Variants in ZC3HAV1 observed in about 807,000 individuals in gnomAD.
The protein encoded by ZC3HAV1 is zinc finger CCCH-type antiviral protein 1.
ZC3HAV1 carries 41 observed loss-of-function variants against 86.6 expected under a neutral mutation model. The ratio of observed to expected loss-of-function variants is 0.47; its 90% CI spans 0.37 to 0.61. The LOEUF (loss-of-function observed/expected upper bound fraction) is 0.61. Among genes scored for constraint, ZC3HAV1 ranks in the 20% least tolerant of loss-of-function variants. ZC3HAV1 has a pLI of 0.00. For synonymous variants in ZC3HAV1, 421 were observed against 432.1 expected, an observed-to-expected ratio of 0.97 and a Z score of 0.32; for missense variants, 964 against 1,141.1, an observed-to-expected ratio of 0.84 and a Z score of 2.24.
At chr7:139,102,911 C>A (rs1286479094) in intron 1 of ZC3HAV1, among the ~76,000 whole-genome samples, 1 of 147,748 alleles carries the variant, frequency 6.8e-6, no homozygotes, top group Non-Finnish European at 1.5e-5. Flanking sequence ...AGAACAAGAT[C>A]CTGTCTCAAA....
chr7:139,074,713 G>T (rs1304622106), intron 6 of ZC3HAV1, among the ~76,000 whole-genome samples: 1 of 151,682 alleles, frequency 6.6e-6, no homozygotes, highest in Non-Finnish European at 1.5e-5. Flanking sequence ...ACCTGGGTAT[G>T]TATATTAAAT....
At position 139,053,520 on chromosome 7, in the gene ZC3HAV1, C is replaced by G. The variant is rs750206388; in HGVS notation, c.2380G>C (p.Val794Leu). The change falls in exon 12 of 13, where the codon GTG becomes CTG. Residue 794 changes from valine to leucine, a missense_variant. Val to Leu is a conservative substitution (Grantham distance 32). Transcript: ENST00000242351. Reference protein sequence around the residue: ...LLFYATSRAYVESICSNNFDS... With the variant: ...LLFYATSRAYLESICSNNFDS... Reference sequence around the variant, plus strand: ...AAATTATTCGAACAGATAGATTCCACATAGGCACGGCTTGTCGCATAAAAT... The same window carrying G: ...AAATTATTCGAACAGATAGATTCCAGATAGGCACGGCTTGTCGCATAAAAT... The G allele has an allele frequency of 6.2e-7, 1 of 1,606,114 alleles. No homozygotes were observed. Among genetic ancestry groups the G allele is most frequent in the Non-Finnish European group, 8.5e-7 (1 of 1,177,552 alleles).
At chr7:139,055,734 C>T (rs7812093) in intron 9 of ZC3HAV1, among the ~76,000 whole-genome samples, 94,566 of 151,858 alleles carry the variant, frequency 0.62, 29,606 homozygotes, top group East Asian at 0.7. Context: ...AAGTAATTTT[C>T]TTTTTCTATC....
intron 7 of ZC3HAV1, among the ~76,000 whole-genome samples, chr7:139,066,102 C>T (rs914921328): frequency 2.6e-5 from 4 of 152,102 alleles, no homozygotes; most frequent in Non-Finnish European, 4.4e-5. Flanking sequence ...GCGATCAGGG[C>T]ACACTAGAAG....
At chr7:139,073,425 T>C (rs576112381) in intron 7 of ZC3HAV1, among the ~76,000 whole-genome samples, 2 of 152,252 alleles carry the variant, frequency 1.3e-5, no homozygotes, top group South Asian at 4.1e-4. Context: ...TACCACTTCC[T>C]CTACCACACT....
At position 139,055,270 on chromosome 7, in the gene ZC3HAV1, C is replaced by T; in HGVS notation, c.2122G>A (p.Val708Met). The change falls in exon 10 of 13, where the codon GTG becomes ATG. Residue 708 changes from valine (V) to methionine (M), a missense_variant. Physicochemically the swap from Val to Met is conservative, Grantham distance 21 (BLOSUM62 1). Coordinates refer to ENST00000242351, the MANE Select transcript of ZC3HAV1 (RefSeq NM_020119.4). ...GGACGAAAGGTCGCAGTTAAAGACA[C>T]TGACGAGGTCTTTGCTGGCTGATGG... is the stretch of plus-strand genomic sequence containing the variant. ...PDHQPAKTSS[V>M]SLTATFRPQE... 1.9e-6 allele frequency: 3 copies of T among 1,613,290 alleles called. No individual in the cohort carries two copies. The highest frequency in any genetic ancestry group is 1.7e-6 in the Non-Finnish European group (2 of 1,179,472).
In ZC3HAV1 at chr7:139,073,840, G is replaced by A. The variant is rs1380281505; in HGVS notation, c.1872+16C>T. 1.3e-6 allele frequency: 2 copies of A among 1,594,134 alleles called. No homozygotes were observed. Among genetic ancestry groups the A allele is most frequent in the Non-Finnish European group, 1.7e-6 (2 of 1,168,548 alleles). The stretch of plus-strand genomic sequence containing the variant: ...AGTTTAAACAAGAGCCCCCTACAAG[G>A]AGGAACAGTGCTCACCTCTTCTCCA... On this transcript the variant is annotated intron_variant, in intron 7 of 12. Coordinates refer to ENST00000242351, the MANE Select transcript of ZC3HAV1 (RefSeq NM_020119.4).
At chr7:139,095,335 A>T (rs1269545667) in intron 1 of ZC3HAV1, among the ~76,000 whole-genome samples, 1 of 152,140 alleles carries the variant, frequency 6.6e-6, no homozygotes, top group Non-Finnish European at 1.5e-5. Context: ...CTGCCTCTAG[A>T]GCCCCTAGTG....
At chr7:139,058,440 A>ACCCC (rs56132797) in intron 9 of ZC3HAV1, among the ~76,000 whole-genome samples, 1 of 119,208 alleles carries the variant, frequency 8.4e-6, no homozygotes, top group Non-Finnish European at 1.8e-5. Context: ...CTAACCCCCA[A>ACCCC]CCCCCCCCCC....
intron 1 of ZC3HAV1, among the ~76,000 whole-genome samples, chr7:139,092,061 C>T (rs10248093): frequency 0.31 from 46,489 of 151,982 alleles, 7,870 homozygotes; most frequent in African/African-American, 0.44. Context: ...TGAAGTAAAG[C>T]AGGCAAAAAA....
chr7:139,047,075 C>T lies in ZC3HAV1; in HGVS notation c.*519G>A. 6.2e-6 allele frequency: 1 copy of T among 160,858 alleles called. No homozygotes were observed. The highest frequency in any genetic ancestry group is 1.7e-4 in the South Asian group (1 of 5,832). 10.0% of individuals were successfully genotyped at this position (160,858 alleles called of 1,614,324 possible). Reference sequence around the variant, plus strand: ...GGCATGGTGGCTCATACCTGTAATCCTAGCACTTTGGGAGGCCAAGGCGGG... The same window carrying T: ...GGCATGGTGGCTCATACCTGTAATCTTAGCACTTTGGGAGGCCAAGGCGGG... On this transcript the variant is annotated 3_prime_UTR_variant, in exon 13 of 13. Coordinates refer to ENST00000242351, the MANE Select transcript of ZC3HAV1 (RefSeq NM_020119.4).
At chr7:139,083,550 G>A (rs1015927111) in intron 3 of ZC3HAV1, among the ~76,000 whole-genome samples, 4 of 151,886 alleles carry the variant, frequency 2.6e-5, no homozygotes, top group Non-Finnish European at 4.4e-5. Context: ...CCAACATGGC[G>A]AAACCCCGTC....
chr7:139,052,606 CA>C (rs35386659), intron 12 of ZC3HAV1, among the ~76,000 whole-genome samples: 1,310 of 64,944 alleles, frequency 0.02, 20 homozygotes, highest in South Asian at 0.14. Flanking sequence ...ACTCTGTCTC[CA>C]AAAAAAAAAA....
chr7:139,069,220 G>A (rs1045981079), intron 7 of ZC3HAV1, among the ~76,000 whole-genome samples: 32 of 152,166 alleles, frequency 2.1e-4, no homozygotes, highest in Admixed American at 2.1e-3. Flanking sequence ...TAGCCATAAT[G>A]TGTCCTAGAG....
At chr7:139,070,907 G>C (rs1816754973) in intron 7 of ZC3HAV1, among the ~76,000 whole-genome samples, 1 of 151,768 alleles carries the variant, frequency 6.6e-6, no homozygotes, top group Non-Finnish European at 1.5e-5. Flanking sequence ...GCTTGAACCT[G>C]GGAGGCAGAG....
In ZC3HAV1 at chr7:139,109,202, C is replaced by A; in HGVS notation, c.130G>T (p.Ala44Ser). The change falls in exon 1 of 13, where the codon GCC (alanine) becomes TCC (serine). Residue 44 changes from alanine to serine, a missense_variant. By Grantham distance (99) the Ala-to-Ser change is moderately conservative. Coordinates refer to ENST00000242351, the MANE Select transcript of ZC3HAV1 (RefSeq NM_020119.4). The stretch of plus-strand genomic sequence containing the variant: ...AACACCACAAAGCGGTCGGGCCCGG[C>A]CACCTGCAGCACCTCACAGAGCTGC... ...EPQLCEVLQV[A>S]GPDRFVVLET... 1 of 1,607,922 alleles carries A rather than the reference C, an allele frequency of 6.2e-7. No individual in the cohort carries two copies.
chr7:139,100,145 G>A (rs1817707990), intron 1 of ZC3HAV1, among the ~76,000 whole-genome samples: 1 of 151,872 alleles, frequency 6.6e-6, no homozygotes, highest in African/African-American at 2.4e-5. Flanking sequence ...ATGCGAATAA[G>A]AAGCAACTAC....
At position 139,100,537 on chromosome 7, in the gene ZC3HAV1, A is replaced by C. The variant is rs552606572; in HGVS notation, c.308+8487T>G. On this transcript the variant is annotated intron_variant, in intron 1 of 12. Transcript: ENST00000242351. ...CGACAGACCGAGGCTCTGTCTCAAA[A>C]AAAAACAAAAACAAAAACAAAAACA... 2.8e-3 allele frequency among the ~76,000 whole-genome samples: 419 copies of C among 151,974 alleles called. 1 individual carries two copies. Among genetic ancestry groups the C allele is most frequent in the Non-Finnish European group, 4.9e-3 (330 of 67,962 alleles).
intron 7 of ZC3HAV1, among the ~76,000 whole-genome samples, chr7:139,072,351 A>AT (rs1228138651): frequency 6.6e-6 from 1 of 151,818 alleles, no homozygotes; most frequent in African/African-American, 2.4e-5. Context: ...CACCCAGCTA[A>AT]TTTTTTGTAT....
Sources: gnomAD v4.1 joint callset for allele counts (sites outside exome capture counted in the v4.1 genomes callset) on GRCh38, gnomAD v4.1.1 for gene constraint, MANE v1.5 for transcripts, NCBI Gene and HGNC (gene_info 2026-07-23, HGNC 2026-07-21) for gene names.